MYO19: variants seen among roughly 807,000 people sequenced by gnomAD.
MYO19 encodes myosin XIX, also known as unconventional myosin-XIX.
Under a neutral mutation model 129.2 loss-of-function variants are expected in MYO19, and 132 were observed. The observed-to-expected ratio is 1.02, with a 90% CI of 0.89 to 1.18. The LOEUF is 1.18. MYO19 is among the 50% of genes most tolerant of loss of function. The probability of loss-of-function intolerance (pLI) is 0.00; values close to 1 mark genes in which losing one functional copy is unlikely to be tolerated. For missense variants in MYO19, 1,210 were observed against 1,216.7 expected (o/e 0.99, Z 0.08); for synonymous variants, 531 against 477.2 (o/e 1.11, Z -1.47).
intron 14 of MYO19, 99 bp downstream of exon 14, chr17:36,508,963 T>A (rs774281416): frequency 4.2e-5 from 42 of 1,010,372 alleles, no homozygotes; most frequent in Non-Finnish European, 6.2e-5. Context: ...GGAAAGGAAC[T>A]GCCCAGAGTC....
chr17:36,528,011 T>C, intron 4 of MYO19, 53 bp downstream of exon 4: 1 of 1,587,066 alleles, frequency 6.3e-7, no homozygotes, highest in Non-Finnish European at 8.6e-7. Flanking sequence ...ACTACTCTCA[T>C]TACACCTCCA....
At position 36,532,129 on chromosome 17, in the gene MYO19, G is replaced by A. The variant is rs1470841515; in HGVS notation, c.12+398C>T. Among the ~76,000 whole-genome samples, 3 of 152,140 alleles carry A rather than the reference G, an allele frequency of 2.0e-5. No homozygotes were observed. In the East Asian group the frequency reaches 5.8e-4, roughly 29 times the overall value. On this transcript the variant is annotated intron_variant, in intron 3 of 25. Transcript: ENST00000614623. Reference sequence around the variant, plus strand: ...ACAGGCTGACCTCTTTGCCTGGAGTGCTTATTTTCCTTCTCCAAGTGGCTA... The same window carrying A: ...ACAGGCTGACCTCTTTGCCTGGAGTACTTATTTTCCTTCTCCAAGTGGCTA...
chr17:36,538,072 TATATA>T (rs1460108683), upstream of MYO19: 1 of 1,614,194 alleles, frequency 6.2e-7, no homozygotes, highest in Admixed American at 1.7e-5. Context: ...CAAACAGGGT[TATATA>T]TGCATAAGAA....
At chr17:36,514,974 T>C (rs1373591990) in intron 8 of MYO19, 139 bp downstream of exon 8, 8 of 685,922 alleles carry the variant, frequency 1.2e-5, no homozygotes, top group Non-Finnish European at 2.0e-5. Flanking sequence ...CCCTCAGAGC[T>C]CACACCTGAG....
rs370644254 is a variant in MYO19, at chr17:36,515,947, G to A, written c.458C>T (p.Ala153Val). Residue 153 changes from alanine to valine, a missense_variant, in exon 7 of 26, where the codon GCC (alanine) becomes GTC (valine). Physicochemically the swap from Ala to Val is moderately conservative, Grantham distance 64. Transcript: ENST00000614623. ...RCLMKFYAVV[A>V]TSPASWESHK... ...GCTCTCCCAAGATGCAGGTGAGGTG[G>A]CCACCACAGCATAGAACTTCATTAG... 1.9e-6 allele frequency: 3 copies of A among 1,613,590 alleles called. No homozygotes were observed. The highest frequency in any genetic ancestry group is 1.7e-6 in the Non-Finnish European group (2 of 1,179,742).
chr17:36,514,906 C>T (rs1457203320), intron 8 of MYO19, among the ~76,000 whole-genome samples: 1 of 152,214 alleles, frequency 6.6e-6, no homozygotes, highest in Non-Finnish European at 1.5e-5. Context: ...TGAATAAGCG[C>T]ACTGCCCCAG....
chr17:36,531,072 A>G (rs1445629747), intron 3 of MYO19, among the ~76,000 whole-genome samples: 8 of 151,892 alleles, frequency 5.3e-5, no homozygotes, highest in Admixed American at 5.3e-4. Flanking sequence ...CCATCTCTAA[A>G]ATAAAAATAA....
Position 36,511,456 on chromosome 17 carries a change from C to G in MYO19, c.895-1G>C. 4 of 1,558,108 alleles carry G rather than the reference C, an allele frequency of 2.6e-6. No individual in the cohort carries two copies. The highest frequency in any genetic ancestry group is 2.6e-6 in the Non-Finnish European group (3 of 1,150,864). On this transcript the variant is annotated splice_acceptor_variant, in intron 11 of 25. Transcript: ENST00000614623. LOFTEE classifies it high-confidence loss of function. ...CAAGGTGCAGCAGTCCAGCTAGGACCTGGGGGAAAGAAAAGGATGGGTGGG... is the reference window on the plus strand; with the variant it reads ...CAAGGTGCAGCAGTCCAGCTAGGACGTGGGGGAAAGAAAAGGATGGGTGGG...
At chr17:36,499,233 C>T in intron 23 of MYO19, 73 bp from the exon 24 acceptor site, 1 of 1,040,838 alleles carries the variant, frequency 9.6e-7, no homozygotes, top group Non-Finnish European at 1.4e-6. Context: ...CTCGCTGCAG[C>T]AGCACCACAG....
At chr17:36,510,116 T>C (rs2142013446) in intron 13 of MYO19, among the ~76,000 whole-genome samples, 1 of 152,292 alleles carries the variant, frequency 6.6e-6, no homozygotes, top group East Asian at 1.9e-4. Flanking sequence ...ACACATACAC[T>C]CATTCTGGCT....
At chr17:36,532,459 C>T (rs561991067) in intron 3 of MYO19, 68 bp downstream of exon 3, 1 of 1,540,368 alleles carries the variant, frequency 6.5e-7, no homozygotes. Flanking sequence ...CCCTTCCTTC[C>T]AGGTTAGGGC....
chr17:36,501,251 G>A lies in MYO19; in HGVS notation c.2081-16C>T. 1.2e-6 allele frequency: 2 copies of A among 1,601,794 alleles called. No individual in the cohort carries two copies. Among genetic ancestry groups the A allele is most frequent in the East Asian group, 2.2e-5 (1 of 44,810 alleles). On this transcript the variant is annotated splice_polypyrimidine_tract_variant and intron_variant, in intron 21 of 25. Transcript: ENST00000614623. ...GGACACCATTCTGGGGGAGGGAGAT[G>A]GCCCCATCAGTGCATGGTCATCTCT...
At chr17:36,500,676 G>A in intron 23 of MYO19, 154 bp downstream of exon 23, 3 of 1,071,354 alleles carry the variant, frequency 2.8e-6, no homozygotes, top group South Asian at 3.3e-5. Context: ...ATGAGTGAGG[G>A]GGACAGGGAA....
Position 36,513,369 on chromosome 17 carries a change from C to G in MYO19, c.894+60G>C, listed in dbSNP as rs755970258. 3.7e-6 allele frequency: 6 copies of G among 1,613,536 alleles called. No individual in the cohort carries two copies. The East Asian group carries it at 1.3e-4, about 36-fold the overall frequency. On this transcript the variant is annotated intron_variant, in intron 11 of 25. Coordinates refer to ENST00000614623, the MANE Select transcript of MYO19 (RefSeq NM_001163735.2). ...CCAACTCCAAGTCCAGGGAAAAGCTCTATGCAAAGGGCTGCCCGTCATCTC... is the reference window on the plus strand; with the variant it reads ...CCAACTCCAAGTCCAGGGAAAAGCTGTATGCAAAGGGCTGCCCGTCATCTC...
At chr17:36,516,016 G>A (rs374364549) in intron 6 of MYO19, 26 bp from the exon 7 acceptor site, 7 of 1,595,452 alleles carry the variant, frequency 4.4e-6, no homozygotes, top group Non-Finnish European at 5.1e-6. Flanking sequence ...CCCTGTGGGA[G>A]CTGTATCTAT....
chr17:36,525,416 A>G, intron 5 of MYO19, 75 bp from the exon 6 acceptor site: 2 of 1,115,080 alleles, frequency 1.8e-6, no homozygotes, highest in Admixed American at 1.8e-5. Context: ...ATGATGACTG[A>G]GATGGGGAGG....
intron 12 of MYO19, 106 bp downstream of exon 12, chr17:36,511,255 TAAGC>T (rs2072303286): frequency 8.2e-7 from 1 of 1,212,480 alleles, no homozygotes; most frequent in African/African-American, 1.5e-5. Context: ...GTGGGTGGCA[TAAGC>T]AAGGGCATCA....
intron 15 of MYO19, 74 bp downstream of exon 15, chr17:36,507,729 A>T: frequency 6.7e-7 from 1 of 1,484,816 alleles, no homozygotes; most frequent in Non-Finnish European, 9.0e-7. Flanking sequence ...CAGAACCTGG[A>T]CTGGGGCTGG....
chr17:36,530,266 G>C (rs1172538668), intron 3 of MYO19, among the ~76,000 whole-genome samples: 1 of 152,074 alleles, frequency 6.6e-6, no homozygotes, highest in Non-Finnish European at 1.5e-5. Flanking sequence ...GAGCTATGGG[G>C]ATATCACTGC....
Sources: allele counts gnomAD v4.1 joint callset (sites outside exome capture counted in the v4.1 genomes callset), GRCh38; gene constraint gnomAD v4.1.1; transcripts MANE v1.5; gene names NCBI Gene and HGNC (gene_info 2026-07-23, HGNC 2026-07-21).